Variants in STK33 observed in about 807,000 individuals in gnomAD.
STK33 encodes the protein serine/threonine kinase 33.
STK33 carries 52 observed loss-of-function variants against 58.0 expected under a neutral mutation model. The observed-to-expected ratio is 0.90, with a 90% CI of 0.72 to 1.13. The LOEUF (loss-of-function observed/expected upper bound fraction) is 1.13, where lower values mean the gene tolerates loss of function less well. STK33 is among the 50% of genes most tolerant of loss of function. The probability of loss-of-function intolerance (pLI) is 0.00; values close to 1 mark genes in which losing one functional copy is unlikely to be tolerated. For synonymous variants in STK33, 215 were observed against 200.1 expected (o/e 1.07, Z -0.63); for missense variants, 630 against 604.2 (o/e 1.04, Z -0.45).
intron 7 of STK33, among the ~76,000 whole-genome samples, chr11:8,462,313 C>G (rs371943424): frequency 2.0e-5 from 3 of 151,456 alleles, no homozygotes; most frequent in African/African-American, 7.3e-5. Context: ...AAATCTACTT[C>G]CAAGGACATA....
intron 14 of STK33, among the ~76,000 whole-genome samples, chr11:8,417,579 A>T (rs1020897543): frequency 1.3e-5 from 2 of 152,196 alleles, no homozygotes; most frequent in Non-Finnish European, 2.9e-5. Context: ...TAAAGGAAAC[A>T]TTCTGGATCT....
the STK33 span, among the ~76,000 whole-genome samples, chr11:8,345,916 A>G: frequency 2.0e-5 from 3 of 152,204 alleles, no homozygotes; most frequent in African/African-American, 4.8e-5. Flanking sequence ...AAACAATTAC[A>G]GCTTCCACGT....
chr11:8,364,747 C>T, the STK33 span, among the ~76,000 whole-genome samples: 29 of 152,314 alleles, frequency 1.9e-4, no homozygotes, highest in East Asian at 5.6e-3. Flanking sequence ...CTGTGTACTA[C>T]TTCATTGTAT....
the STK33 span, among the ~76,000 whole-genome samples, chr11:8,344,001 T>C: frequency 6.6e-6 from 1 of 152,108 alleles, no homozygotes; most frequent in African/African-American, 2.4e-5. Flanking sequence ...GGCTCCTTCT[T>C]CCAGCAGTCC....
chr11:8,534,490 A>T (rs1454065025), intron 1 of STK33, among the ~76,000 whole-genome samples: 1 of 150,300 alleles, frequency 6.7e-6, no homozygotes, highest in African/African-American at 2.5e-5. Flanking sequence ...ATTGATCATA[A>T]GGGTATTATT....
intron 1 of STK33, among the ~76,000 whole-genome samples, chr11:8,509,278 A>G (rs183847134): frequency 2.3e-4 from 35 of 152,326 alleles, no homozygotes; most frequent in Admixed American, 7.8e-4. Context: ...CATTTTAATG[A>G]AAACCTTCCA....
the STK33 span, among the ~76,000 whole-genome samples, chr11:8,366,291 C>A: frequency 3.3e-5 from 5 of 152,220 alleles, no homozygotes; most frequent in Non-Finnish European, 2.9e-5. Flanking sequence ...CCTTCATCCT[C>A]TTTGCAGCCC....
At chr11:8,339,758 C>A in the STK33 span, among the ~76,000 whole-genome samples, 2 of 152,252 alleles carry the variant, frequency 1.3e-5, no homozygotes, top group African/African-American at 4.8e-5. Flanking sequence ...GGGGAGAGGA[C>A]TAAAGCTTCC....
intron 1 of STK33, among the ~76,000 whole-genome samples, chr11:8,557,286 G>GAA (rs150095375): frequency 5.8e-5 from 2 of 34,312 alleles, no homozygotes; most frequent in Admixed American, 2.8e-4. Flanking sequence ...GGAGGGGAGG[G>GAA]GAGGAGAGAA....
chr11:8,528,293 G>C (rs1428952511), intron 1 of STK33, among the ~76,000 whole-genome samples: 2 of 152,158 alleles, frequency 1.3e-5, no homozygotes, highest in African/African-American at 4.8e-5. Flanking sequence ...GTTACCGTAA[G>C]TTGTACAATT....
intron 15 of STK33, among the ~76,000 whole-genome samples, chr11:8,408,441 C>G (rs34196537): frequency 3.2e-4 from 48 of 152,146 alleles, no homozygotes; most frequent in Non-Finnish European, 5.9e-4. Context: ...AAACCTAAGC[C>G]TTATACAAAA....
rs202114446 is a variant in STK33, at chr11:8,474,864, G to A, written c.42C>T (p.Pro14=). 291 of 1,594,470 alleles carry A rather than the reference G, an allele frequency of 1.8e-4. 1 individual carries two copies. Among genetic ancestry groups the A allele is most frequent in the Non-Finnish European group, 2.3e-4 (270 of 1,171,440 alleles). The change falls in exon 5 of 16, where the codon CCC becomes CCT. Residue 14 remains proline, a synonymous_variant. Coordinates refer to ENST00000687296, the MANE Select transcript of STK33 (RefSeq NM_001352389.2). Reference sequence around the variant, plus strand: ...CTTTCTGAGAAGCAGATGAACAGTCGGGGCATTTTGTGGATTTTTTATCTA... The same window carrying A: ...CTTTCTGAGAAGCAGATGAACAGTCAGGGCATTTTGTGGATTTTTTATCTA... ...SGLDKKSTKC[P]DCSSASQKDV...
chr11:8,415,182 T>C (rs149484820), intron 14 of STK33, among the ~76,000 whole-genome samples: 86 of 152,186 alleles, frequency 5.7e-4, no homozygotes, highest in African/African-American at 2.0e-3. Context: ...TTGCCTCAAC[T>C]TGATTCTTTC....
At chr11:8,382,315 G>A in the STK33 span, among the ~76,000 whole-genome samples, 5 of 152,210 alleles carry the variant, frequency 3.3e-5, no homozygotes, top group Non-Finnish European at 7.3e-5. Flanking sequence ...CTGCACAGTC[G>A]CTGATGGTAG....
intron 1 of STK33, among the ~76,000 whole-genome samples, chr11:8,557,510 A>G (rs1041697650): frequency 6.6e-6 from 1 of 152,114 alleles, no homozygotes; most frequent in African/African-American, 2.4e-5. Context: ...ACTCAAGTCA[A>G]AATATACATT....
chr11:8,470,957 G>A (rs1948720604), intron 6 of STK33, among the ~76,000 whole-genome samples: 1 of 152,196 alleles, frequency 6.6e-6, no homozygotes, highest in Admixed American at 6.5e-5. Flanking sequence ...CACAAAATGA[G>A]CACATGCTGT....
At chr11:8,371,924 T>C in the STK33 span, among the ~76,000 whole-genome samples, 1 of 149,124 alleles carries the variant, frequency 6.7e-6, no homozygotes, top group Non-Finnish European at 1.5e-5. Flanking sequence ...CTCACTCTCT[T>C]GCCCAGGCTG....
At chr11:8,423,821 T>G (rs1417237418) in intron 14 of STK33, among the ~76,000 whole-genome samples, 1 of 152,086 alleles carries the variant, frequency 6.6e-6, no homozygotes, top group Admixed American at 6.6e-5. Flanking sequence ...TATAATGGAT[T>G]TGCCAATTTC....
chr11:8,400,553 C>A (rs1276206485), intron 15 of STK33, among the ~76,000 whole-genome samples: 2 of 152,158 alleles, frequency 1.3e-5, no homozygotes, highest in Non-Finnish European at 2.9e-5. Flanking sequence ...CCTTTGAAAA[C>A]TGGCACAAGA....
Sources: gnomAD v4.1 joint callset for allele counts (sites outside exome capture counted in the v4.1 genomes callset) on GRCh38, gnomAD v4.1.1 for gene constraint, MANE v1.5 for transcripts, NCBI Gene and HGNC (gene_info 2026-07-23, HGNC 2026-07-21) for gene names.